Variants in NTM observed in about 807,000 individuals in gnomAD.
NTM encodes the protein neurotrimin.
A neutral mutation model predicts 42.1 loss-of-function variants in NTM; 13 were observed. The ratio of observed to expected loss-of-function variants is 0.31; its 90% CI spans 0.20 to 0.49. The LOEUF (loss-of-function observed/expected upper bound fraction) is 0.49, where lower values mean the gene tolerates loss of function less well. NTM is among the 20% of genes least tolerant of loss of function. NTM has a pLI of 0.99. For missense variants in NTM, 373 were observed against 452.8 expected (o/e 0.82, Z 1.60); for synonymous variants, 187 against 179.2 (o/e 1.04, Z -0.35).
intron 2 of NTM, among the ~76,000 whole-genome samples, chr11:132,089,039 C>T (rs2060083576): frequency 6.6e-6 from 1 of 152,136 alleles, no homozygotes; most frequent in Non-Finnish European, 1.5e-5. Flanking sequence ...GAGGAATGAG[C>T]AGGAGTGTTG....
chr11:132,324,577 C>T lies in NTM; in HGVS notation c.935-5576C>T, dbSNP rs1335242890. Among the ~76,000 whole-genome samples the T allele has an allele frequency of 3.4e-3, 511 of 149,812 alleles. 1 individual carries two copies. Among genetic ancestry groups the T allele is most frequent in the African/African-American group, 0.011 (455 of 40,082 alleles). On this transcript the variant is annotated intron_variant, in intron 7 of 8. Coordinates refer to ENST00000683400, the MANE Select transcript of NTM (RefSeq NM_001352005.2). The stretch of plus-strand genomic sequence containing the variant: ...GCTCGTGGGTAGGAAGAATCAATAT[C>T]GTGAAAATGGCCATACTGCCCAAGG...
intron 1 of NTM, among the ~76,000 whole-genome samples, chr11:131,896,531 A>G (rs1348661681): frequency 2.6e-5 from 4 of 152,184 alleles, no homozygotes; most frequent in Non-Finnish European, 5.9e-5. Context: ...GATTTTTCAA[A>G]CTAGTGAACA....
intron 1 of NTM, among the ~76,000 whole-genome samples, chr11:131,772,414 G>C (rs2086256603): frequency 6.6e-6 from 1 of 152,128 alleles, no homozygotes; most frequent in African/African-American, 2.4e-5. Context: ...GATTATCCTG[G>C]GTGGGCCTGA....
At position 131,884,744 on chromosome 11, in the gene NTM, T is replaced by C. The variant is rs115781894; in HGVS notation, c.83-26820T>C. 5.9e-3 allele frequency among the ~76,000 whole-genome samples: 905 copies of C among 152,282 alleles called. 11 individuals carry two copies. The highest frequency in any genetic ancestry group is 0.021 in the African/African-American group (860 of 41,552). On this transcript the variant is annotated intron_variant, in intron 1 of 8. Coordinates refer to ENST00000683400, the MANE Select transcript of NTM (RefSeq NM_001352005.2). ...GGCTCGCCATCCTATCTTGAGCTGG[T>C]GATTGACAAATCCCATAGGAACTAT...
chr11:131,991,339 T>G (rs929232256), intron 2 of NTM, among the ~76,000 whole-genome samples: 13 of 152,172 alleles, frequency 8.5e-5, no homozygotes, highest in Non-Finnish European at 1.5e-4. Context: ...AGTCAGAGAT[T>G]GAGTTACTGT....
chr11:131,883,449 C>T (rs1365902381), intron 1 of NTM, among the ~76,000 whole-genome samples: 1 of 152,154 alleles, frequency 6.6e-6, no homozygotes, highest in East Asian at 1.9e-4. Flanking sequence ...GATTCTCAGA[C>T]ACCTTTGAGT....
At chr11:132,257,835 C>T (rs966793766) in intron 4 of NTM, among the ~76,000 whole-genome samples, 2 of 152,182 alleles carry the variant, frequency 1.3e-5, no homozygotes, top group Non-Finnish European at 2.9e-5. Flanking sequence ...AAGAATTTCT[C>T]CTCTGTCTCC....
chr11:131,923,291 C>T (rs2057484051), intron 2 of NTM, among the ~76,000 whole-genome samples: 1 of 152,198 alleles, frequency 6.6e-6, no homozygotes. Flanking sequence ...ATAGTGATTA[C>T]ATTACTGCCT....
chr11:131,536,392 A>C (rs2052228158), intron 1 of NTM: 1 of 152,252 alleles, frequency 6.6e-6, no homozygotes, highest in South Asian at 2.1e-4. Context: ...CACCCTGGTT[A>C]CTGGGGGACA....
At chr11:131,883,945 T>G (rs940409997) in intron 1 of NTM, among the ~76,000 whole-genome samples, 3 of 152,198 alleles carry the variant, frequency 2.0e-5, no homozygotes, top group African/African-American at 7.2e-5. Flanking sequence ...TTGTGTGCAC[T>G]GGGGGAGGAA....
At position 131,829,126 on chromosome 11, in the gene NTM, C is replaced by T. The variant is rs75607031; in HGVS notation, c.83-82438C>T. On this transcript the variant is annotated intron_variant, in intron 1 of 8. Coordinates refer to ENST00000683400, the MANE Select transcript of NTM (RefSeq NM_001352005.2). ...CCAGTAATGAGAACTTCCAGAGCATCAATTCTCCCTATCATTTCAGAGAAA... is the reference window on the plus strand; with the variant it reads ...CCAGTAATGAGAACTTCCAGAGCATTAATTCTCCCTATCATTTCAGAGAAA... Among the ~76,000 whole-genome samples the T allele has an allele frequency of 9.5e-3, 1,437 of 151,886 alleles. 21 individuals carry two copies. The highest frequency in any genetic ancestry group is 0.033 in the African/African-American group (1,358 of 41,374).
At chr11:132,009,243 T>G (rs1593670554) in intron 2 of NTM, among the ~76,000 whole-genome samples, 1 of 152,174 alleles carries the variant, frequency 6.6e-6, no homozygotes, top group East Asian at 1.9e-4. Context: ...GTCCTGTAAG[T>G]TAATTCCTGC....
chr11:131,864,652 G>A (rs903222391), intron 1 of NTM, among the ~76,000 whole-genome samples: 1 of 152,198 alleles, frequency 6.6e-6, no homozygotes, highest in African/African-American at 2.4e-5. Context: ...AAGACTGTTA[G>A]CATTGAGGGA....
chr11:131,789,587 A>AAGG (rs2090356264), intron 1 of NTM, among the ~76,000 whole-genome samples: 1 of 61,982 alleles, frequency 1.6e-5, no homozygotes, highest in African/African-American at 8.1e-5. Flanking sequence ...GAAGAAGAAG[A>AAGG]AGAAGAAGAA....
chr11:132,011,356 T>C (rs561246788), intron 2 of NTM, among the ~76,000 whole-genome samples: 1 of 152,296 alleles, frequency 6.6e-6, no homozygotes, highest in Non-Finnish European at 1.5e-5. Flanking sequence ...GAATGCTAAC[T>C]GTGTTCTGGA....
intron 3 of NTM, among the ~76,000 whole-genome samples, chr11:132,175,999 GTT>G (rs1254864081): frequency 2.0e-5 from 3 of 151,702 alleles, no homozygotes; most frequent in Non-Finnish European, 4.4e-5. Flanking sequence ...TTTTTTGTTT[GTT>G]TGTTTTATTT....
At chr11:131,696,471 A>G (rs534054818) in intron 1 of NTM, among the ~76,000 whole-genome samples, 1 of 152,316 alleles carries the variant, frequency 6.6e-6, no homozygotes, top group South Asian at 2.1e-4. Context: ...CCTGGATCAG[A>G]CCACACAACA....
At chr11:131,602,825 A>C (rs1185820540) in intron 1 of NTM, among the ~76,000 whole-genome samples, 2 of 152,192 alleles carry the variant, frequency 1.3e-5, no homozygotes, top group Admixed American at 6.5e-5. Context: ...CCATTGACTC[A>C]AGAGCTCATG....
chr11:132,239,792 A>G (rs1470245152), intron 4 of NTM, among the ~76,000 whole-genome samples: 3 of 152,244 alleles, frequency 2.0e-5, no homozygotes, highest in Non-Finnish European at 4.4e-5. Flanking sequence ...AGAGTAGCAT[A>G]ACAATAATAA....
Sources: allele counts gnomAD v4.1 joint callset (sites outside exome capture counted in the v4.1 genomes callset), GRCh38; gene constraint gnomAD v4.1.1; transcripts MANE v1.5; gene names NCBI Gene and HGNC (gene_info 2026-07-23, HGNC 2026-07-21).